Variants in MARCHF10 observed in about 807,000 individuals in gnomAD.
MARCHF10 encodes membrane associated ring-CH-type finger 10.
Under a neutral mutation model 76.2 loss-of-function variants are expected in MARCHF10, and 64 were observed. The observed-to-expected ratio is 0.84, with a 90% confidence interval of 0.69 to 1.03. MARCHF10 has a LOEUF of 1.03. Ranked by LOEUF, MARCHF10 falls within the 50% of genes least tolerant of loss-of-function variation. The pLI is 0.00. For synonymous variants in MARCHF10, 340 were observed against 357.5 expected, an observed-to-expected ratio of 0.95 and a Z score of 0.55; for missense variants, 875 against 958.0, an observed-to-expected ratio of 0.91 and a Z score of 1.14.
chr17:62,786,022 C>T (rs1465193886), intron 3 of MARCHF10, among the ~76,000 whole-genome samples: 1 of 152,092 alleles, frequency 6.6e-6, no homozygotes. Context: ...CCCAGTGATC[C>T]CGTTACTGGG....
intron 7 of MARCHF10, among the ~76,000 whole-genome samples, chr17:62,724,662 GT>G (rs1774833535): frequency 6.6e-6 from 1 of 152,102 alleles, no homozygotes; most frequent in African/African-American, 2.4e-5. Context: ...TCAAGCAGAG[GT>G]AGAATTCAAT....
At chr17:62,723,121 G>C (rs1052984730) in intron 7 of MARCHF10, among the ~76,000 whole-genome samples, 1 of 151,404 alleles carries the variant, frequency 6.6e-6, no homozygotes, top group African/African-American at 2.4e-5. Flanking sequence ...GCCAGGTGTG[G>C]GTACTAGTTA....
At chr17:62,792,031 A>G (rs963275908) in intron 2 of MARCHF10, among the ~76,000 whole-genome samples, 1 of 152,096 alleles carries the variant, frequency 6.6e-6, no homozygotes, top group African/African-American at 2.4e-5. Flanking sequence ...AAACTGGCCG[A>G]GGGCAGTCTT....
chr17:62,782,153 G>C (rs1342023288), intron 3 of MARCHF10, among the ~76,000 whole-genome samples: 1 of 151,928 alleles, frequency 6.6e-6, no homozygotes, highest in East Asian at 1.9e-4. Context: ...TCAATACACT[G>C]AGCTGTGGAC....
chr17:62,712,385 C>G lies in MARCHF10; in HGVS notation c.2215-1041G>C, dbSNP rs941506742. Reference sequence around the variant, plus strand: ...ACTCAGTGTCTCATCTGCCTTCTTCCTGCAGCAGCGCGGGTGCCACATCTT... The same window carrying G: ...ACTCAGTGTCTCATCTGCCTTCTTCGTGCAGCAGCGCGGGTGCCACATCTT... On this transcript the variant is annotated intron_variant, in intron 8 of 10. Coordinates refer to ENST00000311269, the MANE Select transcript of MARCHF10 (RefSeq NM_152598.4). The surrounding 1 kb of genome is among the most constrained non-coding windows in gnomAD (Gnocchi z 4.2). 6.6e-6 allele frequency among the ~76,000 whole-genome samples: 1 copy of G among 152,232 alleles called. No homozygotes were observed. Among genetic ancestry groups the G allele is most frequent in the African/African-American group, 2.4e-5 (1 of 41,466 alleles).
chr17:62,730,848 C>G (rs1299186696), intron 6 of MARCHF10, among the ~76,000 whole-genome samples: 1 of 151,988 alleles, frequency 6.6e-6, no homozygotes, highest in Non-Finnish European at 1.5e-5. Context: ...GAGCCAGGAT[C>G]GTGCCACTGA....
rs1469834236 is a variant in MARCHF10, at chr17:62,808,306, G to T, written c.-247C>A. ...GGCCTTGCCTGGGGCGGAGGCGGTG[G>T]GGGCGGCTACCGGGCGTCCTCCGGT... On this transcript the variant is annotated 5_prime_UTR_variant, in exon 1 of 11. Coordinates refer to ENST00000311269, the MANE Select transcript of MARCHF10 (RefSeq NM_152598.4). 1 of 152,322 alleles carries T rather than the reference G, an allele frequency of 6.6e-6. No individual in the cohort carries two copies. Among genetic ancestry groups the T allele is most frequent in the Admixed American group, 6.5e-5 (1 of 15,288 alleles). The allele number at this position is 152,322 out of a possible 1,614,324, so 9.4% of individuals were successfully genotyped here.
chr17:62,736,350 C>T lies in MARCHF10; in HGVS notation c.1518G>A (p.Gly506=), dbSNP rs2091262347. Residue 506 remains glycine, a synonymous_variant, in exon 6 of 11, where the codon GGG becomes GGA. Coordinates refer to ENST00000311269, the MANE Select transcript of MARCHF10 (RefSeq NM_152598.4). Reference sequence around the variant, plus strand: ...GAGACAGTGGTTGGCAAACATGAAACCCTGAGTTTCCCTCTGAGTCTGAGC... The same window carrying T: ...GAGACAGTGGTTGGCAAACATGAAATCCTGAGTTTCCCTCTGAGTCTGAGC... ...VHSSDSEGNS[G]FHVCQPLSPI... 2 of 1,614,162 alleles carry T rather than the reference C, an allele frequency of 1.2e-6. No homozygotes were observed. The highest frequency in any genetic ancestry group is 1.6e-4 in the Middle Eastern group (1 of 6,062).
intron 4 of MARCHF10, among the ~76,000 whole-genome samples, chr17:62,744,953 G>A (rs903946691): frequency 2.2e-5 from 3 of 137,852 alleles, no homozygotes; most frequent in Non-Finnish European, 4.6e-5. Flanking sequence ...GCAGTGAGCC[G>A]AGATGGTGCC....
In MARCHF10 at chr17:62,736,924, T is replaced by C; in HGVS notation, c.944A>G (p.Lys315Arg). The stretch of plus-strand genomic sequence containing the variant: ...CGATGTCCCCCCAAATCTACTTCTT[T>C]TGTGATGGGAAGGAGAACAGGGTGA... ...VRSPCSPSHH[K>R]RSRFGGTSTP... The change falls in exon 6 of 11, where the codon AAA (lysine) becomes AGA (arginine). Residue 315 changes from lysine (K) to arginine (R), a missense_variant. Lys to Arg is a conservative substitution (Grantham distance 26). Coordinates refer to ENST00000311269, the MANE Select transcript of MARCHF10 (RefSeq NM_152598.4). 1 of 1,614,120 alleles carries C rather than the reference T, an allele frequency of 6.2e-7. No homozygotes were observed. Among genetic ancestry groups the C allele is most frequent in the South Asian group, 1.1e-5 (1 of 91,076 alleles).
chr17:62,710,007 C>G (rs1026852224), intron 9 of MARCHF10, among the ~76,000 whole-genome samples: 1 of 152,204 alleles, frequency 6.6e-6, no homozygotes, highest in Non-Finnish European at 1.5e-5. Flanking sequence ...GCTTTTTGCT[C>G]TGGTTCCCAG....
At chr17:62,785,683 A>C (rs2092732760) in intron 3 of MARCHF10, among the ~76,000 whole-genome samples, 2 of 152,244 alleles carry the variant, frequency 1.3e-5, no homozygotes, top group Admixed American at 6.5e-5. Flanking sequence ...TCTACCAGAA[A>C]AAAACAAACA....
At chr17:62,763,096 A>G (rs1012402193) in intron 3 of MARCHF10, among the ~76,000 whole-genome samples, 1 of 152,216 alleles carries the variant, frequency 6.6e-6, no homozygotes, top group Non-Finnish European at 1.5e-5. Flanking sequence ...TACATAATAT[A>G]TATATGTACG....
intron 9 of MARCHF10, among the ~76,000 whole-genome samples, chr17:62,707,094 C>T (rs983745023): frequency 2.0e-5 from 3 of 152,212 alleles, no homozygotes; most frequent in Non-Finnish European, 4.4e-5. Flanking sequence ...TGCTCCCACA[C>T]GGGCCCCCTT....
At chr17:62,751,149 T>G (rs548301251) in intron 4 of MARCHF10, among the ~76,000 whole-genome samples, 11 of 152,282 alleles carry the variant, frequency 7.2e-5, no homozygotes, top group African/African-American at 2.6e-4. Context: ...ACGCTCAAAC[T>G]GCTAACCTCG....
intron 3 of MARCHF10, among the ~76,000 whole-genome samples, chr17:62,766,117 G>T (rs551912938): frequency 6.7e-6 from 1 of 149,968 alleles, no homozygotes; most frequent in African/African-American, 2.5e-5. Context: ...GATTGCCCAC[G>T]CCTAGGAGGT....
chr17:62,800,774 C>A (rs1191294783), intron 2 of MARCHF10, among the ~76,000 whole-genome samples: 1 of 152,200 alleles, frequency 6.6e-6, no homozygotes, highest in Admixed American at 6.5e-5. Context: ...ATCCCACAAC[C>A]TAGTCTGGCA....
intron 3 of MARCHF10, among the ~76,000 whole-genome samples, chr17:62,767,873 C>T (rs1014407012): frequency 1.3e-5 from 2 of 152,144 alleles, no homozygotes; most frequent in Non-Finnish European, 2.9e-5. Flanking sequence ...TGAACTGAAT[C>T]GTTCAGCCCC....
In MARCHF10 at chr17:62,736,313, T is replaced by C. The variant is rs1360639660; in HGVS notation, c.1555A>G (p.Arg519Gly). The C allele has an allele frequency of 6.2e-7, 1 of 1,614,220 alleles. No individual in the cohort carries two copies. The highest frequency in any genetic ancestry group is 8.5e-7 in the Non-Finnish European group (1 of 1,180,044). ...TTTTCGGCACTGGCAAATGGAGTCC[T>C]ATTTCTAATGGGAGACAGTGGTTGG... ...VCQPLSPIRN[R>G]TPFASAENHN... Residue 519 changes from arginine to glycine, a missense_variant, in exon 6 of 11, where the codon AGG becomes GGG. Arg to Gly is a moderately radical substitution (Grantham distance 125, BLOSUM62 -2). Coordinates refer to ENST00000311269, the MANE Select transcript of MARCHF10 (RefSeq NM_152598.4).
Sources: allele counts gnomAD v4.1 joint callset (sites outside exome capture counted in the v4.1 genomes callset), GRCh38; gene constraint gnomAD v4.1.1; non-coding constraint Gnocchi (gnomAD v3.1); transcripts MANE v1.5; gene names NCBI Gene and HGNC (gene_info 2026-07-23, HGNC 2026-07-21).